The following GNAQ variants were observed in gnomAD, a reference collection of about 807,000 sequenced individuals.
GNAQ encodes guanine nucleotide-binding protein G(q) subunit alpha.
GNAQ carries 8 observed loss-of-function variants against 43.9 expected under a neutral mutation model. That is an observed-to-expected ratio of 0.18 (90% CI 0.11 to 0.33). The LOEUF (loss-of-function observed/expected upper bound fraction) is 0.33, where lower values mean the gene tolerates loss of function less well. Ranked by LOEUF, GNAQ falls within the 10% of genes least tolerant of loss-of-function variation. The pLI, the probability that GNAQ is intolerant of heterozygous loss-of-function variation, is 1.00. For missense variants in GNAQ, 158 were observed against 450.8 expected, an observed-to-expected ratio of 0.35 and a Z score of 5.88; for synonymous variants, 155 against 170.7, an observed-to-expected ratio of 0.91 and a Z score of 0.71.
At chr9:77,899,243 T>C (rs1828553595) in intron 2 of GNAQ, among the ~76,000 whole-genome samples, 1 of 152,070 alleles carries the variant, frequency 6.6e-6, no homozygotes, top group Non-Finnish European at 1.5e-5. Flanking sequence ...ATTACAGGCA[T>C]GCACCACCAC....
chr9:77,930,410 TA>T (rs1829132002), intron 1 of GNAQ, among the ~76,000 whole-genome samples: 1 of 152,210 alleles, frequency 6.6e-6, no homozygotes. Context: ...AACACAAAAT[TA>T]ATGCTCATTT....
Position 77,860,855 on chromosome 9 carries a change from T to A in GNAQ, c.322-45085A>T, listed in dbSNP as rs573200240. On this transcript the variant is annotated intron_variant, in intron 2 of 6. Coordinates refer to ENST00000286548, the MANE Select transcript of GNAQ (RefSeq NM_002072.5). The stretch of plus-strand genomic sequence containing the variant: ...TGACTCCACTTAAGGCAACAAACTC[T>A]CCTTATCTCTCACTCTCTGTGGTAA... Among the ~76,000 whole-genome samples, 11 of 152,296 alleles carry A rather than the reference T, an allele frequency of 7.2e-5. No individual in the cohort carries two copies. In the South Asian group the frequency reaches 2.3e-3, roughly 32 times the overall value.
At chr9:77,870,085 TG>T (rs1232731152) in intron 2 of GNAQ, among the ~76,000 whole-genome samples, 1 of 152,172 alleles carries the variant, frequency 6.6e-6, no homozygotes, top group Non-Finnish European at 1.5e-5. Flanking sequence ...ATTTATCACC[TG>T]GTTCTTTTAA....
chr9:77,778,783 G>C (rs2118395486), intron 5 of GNAQ, among the ~76,000 whole-genome samples: 1 of 152,024 alleles, frequency 6.6e-6, no homozygotes, highest in East Asian at 1.9e-4. Context: ...CTATACCCAA[G>C]TAGCTGTATT....
At chr9:77,884,819 G>A (rs1053446013) in intron 2 of GNAQ, among the ~76,000 whole-genome samples, 5 of 152,198 alleles carry the variant, frequency 3.3e-5, no homozygotes, top group Non-Finnish European at 5.9e-5. Flanking sequence ...AATGCCCCAA[G>A]GGCACTGTGA....
intron 1 of GNAQ, among the ~76,000 whole-genome samples, chr9:77,961,635 T>C (rs1200091163): frequency 6.6e-6 from 1 of 152,164 alleles, no homozygotes; most frequent in Non-Finnish European, 1.5e-5. Context: ...TAAGTAACTA[T>C]GAAAGAGAGG....
rs934935237 is a variant in GNAQ, at chr9:77,840,340, T to C, written c.322-24570A>G. 2.0e-5 allele frequency among the ~76,000 whole-genome samples: 3 copies of C among 146,634 alleles called. No homozygotes were observed. The East Asian group carries it at 6.0e-4, about 29-fold the overall frequency. On this transcript the variant is annotated intron_variant, in intron 2 of 6. Transcript: ENST00000286548. ...GGGTATTTGGTGCAGATGTGTGCATTTGATTACTTTTTGTTTTTTTTTTTT... is the reference window on the plus strand; with the variant it reads ...GGGTATTTGGTGCAGATGTGTGCATCTGATTACTTTTTGTTTTTTTTTTTT...
At chr9:77,792,068 A>G (rs1220472039) in intron 5 of GNAQ, among the ~76,000 whole-genome samples, 1 of 101,544 alleles carries the variant, frequency 9.8e-6, no homozygotes, top group Non-Finnish European at 2.7e-5. Context: ...ACATTAAAAA[A>G]TATTTTTTTG....
At chr9:77,906,657 T>C (rs1051781809) in intron 2 of GNAQ, among the ~76,000 whole-genome samples, 3 of 152,236 alleles carry the variant, frequency 2.0e-5, no homozygotes, top group African/African-American at 7.2e-5. Flanking sequence ...TGAAAAGACT[T>C]TTTTTGTAAT....
chr9:77,803,123 A>C (rs894883341), intron 3 of GNAQ, among the ~76,000 whole-genome samples: 6 of 152,164 alleles, frequency 3.9e-5, no homozygotes, highest in Non-Finnish European at 7.3e-5. Flanking sequence ...GAAGTGCTGT[A>C]GTGGTTAGAA....
intron 1 of GNAQ, among the ~76,000 whole-genome samples, chr9:78,004,381 C>T (rs937267864): frequency 1.3e-5 from 2 of 152,046 alleles, no homozygotes; most frequent in Admixed American, 1.3e-4. Context: ...GGTCTCTGGA[C>T]CCATGCCAAC....
At position 77,841,443 on chromosome 9, in the gene GNAQ, A is replaced by G. The variant is rs968767582; in HGVS notation, c.322-25673T>C. Among the ~76,000 whole-genome samples the G allele has an allele frequency of 7.9e-5, 12 of 152,234 alleles. 1 individual carries two copies. In the East Asian group the frequency reaches 2.3e-3, roughly 29 times the overall value. ...GCACGGCCACAGAGAAATGATTGGC[A>G]ATGGAACAATCAGTATTCGGCAATT... On this transcript the variant is annotated intron_variant, in intron 2 of 6. Coordinates refer to ENST00000286548, the MANE Select transcript of GNAQ (RefSeq NM_002072.5).
At chr9:77,727,241 C>T (rs142481301) in intron 6 of GNAQ, among the ~76,000 whole-genome samples, 95 of 152,190 alleles carry the variant, frequency 6.2e-4, no homozygotes, top group African/African-American at 2.0e-3. Flanking sequence ...TGGGCTTGAA[C>T]TCCTGTGCTC....
intron 2 of GNAQ, among the ~76,000 whole-genome samples, chr9:77,840,813 G>C (rs1195551539): frequency 6.6e-6 from 1 of 152,070 alleles, no homozygotes; most frequent in Non-Finnish European, 1.5e-5. Flanking sequence ...TGATGATTTG[G>C]GCATAGACCT....
At chr9:77,851,214 G>A (rs372093780) in intron 2 of GNAQ, among the ~76,000 whole-genome samples, 1 of 152,016 alleles carries the variant, frequency 6.6e-6, no homozygotes, top group Non-Finnish European at 1.5e-5. Flanking sequence ...ACACAAAATC[G>A]GAAAGAAAAA....
intron 1 of GNAQ, among the ~76,000 whole-genome samples, chr9:77,966,612 G>A (rs561890680): frequency 7.2e-5 from 11 of 152,130 alleles, no homozygotes; most frequent in Middle Eastern, 6.8e-3. Flanking sequence ...CTTCACCCAG[G>A]GGAAAGTAAA....
At position 77,756,550 on chromosome 9, in the gene GNAQ, A is replaced by G. The variant is rs576456185; in HGVS notation, c.736-27883T>C. 3.9e-5 allele frequency among the ~76,000 whole-genome samples: 6 copies of G among 152,332 alleles called. No individual in the cohort carries two copies. The South Asian group carries it at 1.2e-3, about 32-fold the overall frequency. ...TTACAAATGGAATATGAGCAAAGTGATAACCATGGCCTAGGGAATGCTGGC... is the reference window on the plus strand; with the variant it reads ...TTACAAATGGAATATGAGCAAAGTGGTAACCATGGCCTAGGGAATGCTGGC... On this transcript the variant is annotated intron_variant, in intron 5 of 6. Transcript: ENST00000286548.
chr9:77,960,895 G>A (rs982464860), intron 1 of GNAQ, among the ~76,000 whole-genome samples: 1 of 152,042 alleles, frequency 6.6e-6, no homozygotes, highest in Non-Finnish European at 1.5e-5. Flanking sequence ...AGCACAGGAG[G>A]CCTGGAAATC....
chr9:77,722,012 C>T (rs2118193184), intron 6 of GNAQ, among the ~76,000 whole-genome samples: 1 of 152,304 alleles, frequency 6.6e-6, no homozygotes, highest in South Asian at 2.1e-4. Flanking sequence ...TTTGTAAGGT[C>T]AGGTCTATCT....
Sources: gnomAD v4.1 joint callset for allele counts (sites outside exome capture counted in the v4.1 genomes callset) on GRCh38, gnomAD v4.1.1 for gene constraint, MANE v1.5 for transcripts, NCBI Gene and HGNC (gene_info 2026-07-23, HGNC 2026-07-21) for gene names.